The following KLF12 variants were observed in gnomAD, a reference collection of about 807,000 sequenced individuals.
KLF12 encodes KLF transcription factor 12, also known as Krueppel-like factor 12.
KLF12 carries 9 observed loss-of-function variants against 37.8 expected under a neutral mutation model. That is an observed-to-expected ratio of 0.24 (90% CI 0.14 to 0.42). The LOEUF (loss-of-function observed/expected upper bound fraction) is 0.42, where lower values mean the gene tolerates loss of function less well. Ranked by LOEUF, KLF12 falls within the 10% of genes least tolerant of loss-of-function variation. KLF12 has a pLI of 1.00. For synonymous variants in KLF12, 208 were observed against 202.1 expected (o/e 1.03, Z -0.25); for missense variants, 411 against 516.0 (o/e 0.80, Z 1.97).
At chr13:74,242,822 C>T in the KLF12 span, among the ~76,000 whole-genome samples, 2 of 152,152 alleles carry the variant, frequency 1.3e-5, no homozygotes, top group Non-Finnish European at 2.9e-5. Flanking sequence ...AGACATATTA[C>T]AGCAAGGTGA....
intron 1 of KLF12, among the ~76,000 whole-genome samples, chr13:74,119,910 T>C (rs1431130260): frequency 1.3e-5 from 2 of 148,582 alleles, no homozygotes; most frequent in African/African-American, 5.0e-5. Flanking sequence ...GTAAAACTGC[T>C]GAAAACCAAA....
At chr13:74,023,136 C>T (rs1892886179) in intron 1 of KLF12, among the ~76,000 whole-genome samples, 1 of 152,194 alleles carries the variant, frequency 6.6e-6, no homozygotes, top group Non-Finnish European at 1.5e-5. Context: ...AGGCCCTACC[C>T]TTAACCCACC....
chr13:73,964,141 C>T (rs1260369228), intron 2 of KLF12, among the ~76,000 whole-genome samples: 1 of 152,132 alleles, frequency 6.6e-6, no homozygotes. Context: ...ACCTTCCATC[C>T]AAATAGTGGG....
chr13:73,760,020 T>A (rs776777849), intron 6 of KLF12, among the ~76,000 whole-genome samples: 3 of 152,172 alleles, frequency 2.0e-5, no homozygotes, highest in Non-Finnish European at 4.4e-5. Flanking sequence ...TATAAATATT[T>A]AAGTTCACTG....
chr13:73,889,897 T>C (rs762510459), intron 3 of KLF12, among the ~76,000 whole-genome samples: 3 of 152,154 alleles, frequency 2.0e-5, no homozygotes, highest in Non-Finnish European at 4.4e-5. Flanking sequence ...TAATACAAAG[T>C]AGTTCTGCAT....
At chr13:73,898,798 A>G (rs1191338812) in intron 3 of KLF12, among the ~76,000 whole-genome samples, 2 of 152,210 alleles carry the variant, frequency 1.3e-5, no homozygotes, top group African/African-American at 4.8e-5. Flanking sequence ...TTATCCTTCC[A>G]TTTATCCAAA....
chr13:73,765,394 A>G (rs1223669252), intron 5 of KLF12, among the ~76,000 whole-genome samples: 4 of 152,144 alleles, frequency 2.6e-5, no homozygotes, highest in African/African-American at 9.7e-5. Flanking sequence ...GTGGGCACAA[A>G]GAGGTGTCTA....
At chr13:73,875,107 G>A (rs796760186) in intron 3 of KLF12, among the ~76,000 whole-genome samples, 4 of 151,628 alleles carry the variant, frequency 2.6e-5, no homozygotes, top group African/African-American at 9.7e-5. Flanking sequence ...TGCCAAATTA[G>A]GAAGATCACT....
the KLF12 span, among the ~76,000 whole-genome samples, chr13:74,303,910 C>T: frequency 6.6e-6 from 1 of 152,168 alleles, no homozygotes; most frequent in East Asian, 1.9e-4. Context: ...GCAATATGTT[C>T]CCTTTAAAAC....
chr13:74,167,556 G>A, the KLF12 span, among the ~76,000 whole-genome samples: 1 of 152,212 alleles, frequency 6.6e-6, no homozygotes, highest in Non-Finnish European at 1.5e-5. Flanking sequence ...CGTTAGCAAA[G>A]ATCTGGTGAG....
chr13:74,043,066 G>A (rs890617702), intron 1 of KLF12, among the ~76,000 whole-genome samples: 4 of 152,168 alleles, frequency 2.6e-5, no homozygotes, highest in Non-Finnish European at 1.5e-5. Context: ...CGGACAGACT[G>A]AAAAATCTCT....
intron 1 of KLF12, among the ~76,000 whole-genome samples, chr13:74,023,431 C>G (rs1892895747): frequency 6.6e-6 from 1 of 152,194 alleles, no homozygotes; most frequent in Non-Finnish European, 1.5e-5. Flanking sequence ...GAACAGAAAT[C>G]TACTCTCTCA....
At chr13:74,032,055 A>T (rs1232989407) in intron 1 of KLF12, among the ~76,000 whole-genome samples, 2 of 152,150 alleles carry the variant, frequency 1.3e-5, no homozygotes, top group African/African-American at 4.8e-5. Flanking sequence ...AACTCTGTTC[A>T]CAAGCGTACA....
rs990032795 is a variant in KLF12 at position 73,688,251 on chromosome 13, T to C, written c.*7239A>G. 6.5e-6 allele frequency: 1 copy of C among 152,680 alleles called. No individual in the cohort carries two copies. The highest frequency in any genetic ancestry group is 2.4e-5 in the African/African-American group (1 of 41,462). 9.5% of individuals were successfully genotyped at this position (152,680 alleles called of 1,614,324 possible). On this transcript the variant is annotated 3_prime_UTR_variant, in exon 8 of 8. Transcript: ENST00000377669. ...TTTCATTTCTCTGATGTTGGACAGC[T>C]TCTTACATAAAATTCAATTAAACTA...
the KLF12 span, chr13:74,258,402 CT>C: frequency 2.0e-5 from 3 of 152,148 alleles, no homozygotes; most frequent in Admixed American, 2.0e-4. Context: ...AGTGTTCTGC[CT>C]GTGTGTGTTT....
At chr13:74,026,410 C>T (rs1184222919) in intron 1 of KLF12, among the ~76,000 whole-genome samples, 1 of 151,994 alleles carries the variant, frequency 6.6e-6, no homozygotes, top group Non-Finnish European at 1.5e-5. Context: ...TTGTATTATA[C>T]ATTTAAAAAT....
chr13:73,710,793 A>G (rs1234168390), intron 7 of KLF12, among the ~76,000 whole-genome samples: 2 of 152,200 alleles, frequency 1.3e-5, no homozygotes, highest in African/African-American at 4.8e-5. Context: ...TTCAAGTGAA[A>G]GGAAAAGTCA....
chr13:73,813,180 C>A lies in KLF12; in HGVS notation c.778G>T (p.Ala260Ser). ...TGTACTGCTCTGGCTATGGAAAGGG[C>A]CGTAGATCCAGTTTCATTAACGCTA... The change falls in exon 5 of 8, where the codon GCC (alanine) becomes TCC (serine). Residue 260 changes from alanine to serine, a missense_variant. Transcript: ENST00000377669. The A allele has an allele frequency of 6.2e-7, 1 of 1,613,956 alleles. No homozygotes were observed.
the KLF12 span, among the ~76,000 whole-genome samples, chr13:74,141,381 G>A: frequency 6.6e-6 from 1 of 152,048 alleles, no homozygotes; most frequent in Admixed American, 6.6e-5. Context: ...TAGGGAGAAA[G>A]AAATGAAACC....
Sources: gnomAD v4.1 joint callset for allele counts (sites outside exome capture counted in the v4.1 genomes callset) on GRCh38, gnomAD v4.1.1 for gene constraint, MANE v1.5 for transcripts, NCBI Gene and HGNC (gene_info 2026-07-23, HGNC 2026-07-21) for gene names.